The following DLGAP1 variants were observed in gnomAD, a reference collection of about 807,000 sequenced individuals.
DLGAP1 encodes the protein disks large-associated protein 1.
In DLGAP1, 11 loss-of-function variants were observed where a neutral mutation model predicts 90.8. The ratio of observed to expected loss-of-function variants is 0.12; its 90% confidence interval spans 0.08 to 0.20. The LOEUF (loss-of-function observed/expected upper bound fraction) is 0.20. Ranked by LOEUF, DLGAP1 falls within the 10% of genes least tolerant of loss-of-function variation. The pLI is 1.00. For missense variants in DLGAP1, 1,050 were observed against 1,333.8 expected (o/e 0.79, Z 3.31); for synonymous variants, 558 against 540.7 (o/e 1.03, Z -0.44).
At chr18:4,358,196 T>A (rs1257022836) in intron 1 of DLGAP1, among the ~76,000 whole-genome samples, 1 of 152,200 alleles carries the variant, frequency 6.6e-6, no homozygotes, top group Non-Finnish European at 1.5e-5. Flanking sequence ...AAGCAAATAA[T>A]ATACATGCAA....
At chr18:4,099,663 A>G (rs1238120165) in intron 2 of DLGAP1, among the ~76,000 whole-genome samples, 3 of 151,194 alleles carry the variant, frequency 2.0e-5, no homozygotes, top group Non-Finnish European at 2.9e-5. Context: ...GTGGTTGCTG[A>G]AGGTTGGTGT....
intron 1 of DLGAP1, among the ~76,000 whole-genome samples, chr18:4,297,502 T>A (rs1480139602): frequency 1.3e-5 from 2 of 152,242 alleles, no homozygotes; most frequent in African/African-American, 4.8e-5. Context: ...TCTATACTTA[T>A]TGTTGGGAAA....
At chr18:3,811,026 G>C (rs568810833) in intron 5 of DLGAP1, among the ~76,000 whole-genome samples, 6 of 152,034 alleles carry the variant, frequency 3.9e-5, no homozygotes, top group South Asian at 2.1e-4. Context: ...GGCTGGTCTC[G>C]AACTCCTGGG....
At chr18:3,593,617 A>G (rs769650422) in intron 7 of DLGAP1, 4 of 152,304 alleles carry the variant, frequency 2.6e-5, no homozygotes, top group Admixed American at 6.5e-5. Context: ...TGTGAATGAA[A>G]TGGAGGGTAG....
chr18:3,628,603 C>T (rs779924942), intron 7 of DLGAP1, among the ~76,000 whole-genome samples: 6 of 152,188 alleles, frequency 3.9e-5, no homozygotes, highest in Non-Finnish European at 8.8e-5. Context: ...CTGTTACAAA[C>T]CCCTCCTATC....
At chr18:3,515,304 G>A (rs1346152987) in intron 10 of DLGAP1, among the ~76,000 whole-genome samples, 2 of 150,894 alleles carry the variant, frequency 1.3e-5, no homozygotes, top group Admixed American at 6.6e-5. Context: ...CCCCGTCTCT[G>A]CTAAAAAATA....
intron 1 of DLGAP1, among the ~76,000 whole-genome samples, chr18:4,447,700 T>C (rs545204313): frequency 2.2e-4 from 34 of 152,298 alleles, no homozygotes; most frequent in African/African-American, 7.5e-4. Context: ...GTGACACAGG[T>C]ACAGAGTAAA....
intron 3 of DLGAP1, among the ~76,000 whole-genome samples, chr18:3,936,381 G>A (rs938974941): frequency 2.6e-5 from 4 of 152,148 alleles, no homozygotes; most frequent in African/African-American, 9.7e-5. Flanking sequence ...CACAGACCAT[G>A]ACATTTCCAG....
chr18:3,834,053 T>C (rs758851986), intron 4 of DLGAP1, among the ~76,000 whole-genome samples: 9 of 152,138 alleles, frequency 5.9e-5, no homozygotes, highest in Non-Finnish European at 1.3e-4. Flanking sequence ...ACACCTGTGA[T>C]CCCAGCACTT....
At chr18:3,986,466 G>A (rs543301617) in intron 3 of DLGAP1, 2 of 150,764 alleles carry the variant, frequency 1.3e-5, no homozygotes, top group South Asian at 4.2e-4. Context: ...GGCTGGTCTC[G>A]AACTTCTGGC....
chr18:4,403,100 T>C (rs1333090747), intron 1 of DLGAP1, among the ~76,000 whole-genome samples: 2 of 152,210 alleles, frequency 1.3e-5, no homozygotes, highest in African/African-American at 2.4e-5. Context: ...TAATTAATGG[T>C]AGGTATTATT....
intron 1 of DLGAP1, among the ~76,000 whole-genome samples, chr18:4,285,492 A>T (rs1443811699): frequency 6.6e-6 from 1 of 152,218 alleles, no homozygotes; most frequent in Non-Finnish European, 1.5e-5. Context: ...CAGATTTTTA[A>T]GGGAAAAGAA....
intron 1 of DLGAP1, among the ~76,000 whole-genome samples, chr18:4,433,082 C>T (rs2078938951): frequency 6.6e-6 from 1 of 152,142 alleles, no homozygotes; most frequent in East Asian, 1.9e-4. Context: ...TTTTTTTCCC[C>T]ATACAGTTCA....
intron 1 of DLGAP1, among the ~76,000 whole-genome samples, chr18:4,308,083 A>G (rs2080309161): frequency 6.6e-6 from 1 of 152,146 alleles, no homozygotes; most frequent in African/African-American, 2.4e-5. Context: ...TGTTACCACA[A>G]ACTGATGAGC....
chr18:4,037,156 G>A (rs1483948612), intron 2 of DLGAP1, among the ~76,000 whole-genome samples: 6 of 152,290 alleles, frequency 3.9e-5, no homozygotes, highest in East Asian at 1.9e-4. Flanking sequence ...CAGTAGCAAC[G>A]TGTCAGTTAG....
intron 2 of DLGAP1, among the ~76,000 whole-genome samples, chr18:4,085,686 C>T (rs889111293): frequency 6.6e-6 from 1 of 152,202 alleles, no homozygotes; most frequent in Admixed American, 6.5e-5. Flanking sequence ...ACTCACCCTG[C>T]TTGAGTTCCG....
At chr18:4,195,090 C>T (rs1456949920) in intron 1 of DLGAP1, among the ~76,000 whole-genome samples, 1 of 152,100 alleles carries the variant, frequency 6.6e-6, no homozygotes, top group Admixed American at 6.5e-5. Context: ...AACCCAAATA[C>T]CAAAATATTT....
intron 3 of DLGAP1, among the ~76,000 whole-genome samples, chr18:3,953,932 A>G (rs1354896817): frequency 6.6e-6 from 1 of 152,228 alleles, no homozygotes; most frequent in Non-Finnish European, 1.5e-5. Flanking sequence ...GCTTGGATAA[A>G]GTTGTTCCAT....
intron 9 of DLGAP1, among the ~76,000 whole-genome samples, chr18:3,558,183 C>T (rs1250102807): frequency 1.3e-5 from 2 of 152,130 alleles, no homozygotes; most frequent in Admixed American, 6.6e-5. Context: ...ATAGTAGATA[C>T]ATCTTTTTCT....
Sources: gnomAD v4.1 joint callset for allele counts (sites outside exome capture counted in the v4.1 genomes callset) on GRCh38, gnomAD v4.1.1 for gene constraint, MANE v1.5 for transcripts, NCBI Gene and HGNC (gene_info 2026-07-23, HGNC 2026-07-21) for gene names.